NFIB: variants seen among roughly 807,000 people sequenced by gnomAD.
The protein encoded by NFIB is nuclear factor I B.
A neutral mutation model predicts 61.5 loss-of-function variants in NFIB; 11 were observed. The observed-to-expected ratio is 0.18, with a 90% CI of 0.11 to 0.30. The LOEUF (loss-of-function observed/expected upper bound fraction) is 0.30, where lower values mean the gene tolerates loss of function less well. Ranked by LOEUF, NFIB falls within the 10% of genes least tolerant of loss-of-function variation. The probability of loss-of-function intolerance (pLI) is 1.00; values close to 1 mark genes in which losing one functional copy is unlikely to be tolerated. For missense variants in NFIB, 471 were observed against 608.9 expected, an observed-to-expected ratio of 0.77 and a Z score of 2.38; for synonymous variants, 260 against 216.5, an observed-to-expected ratio of 1.20 and a Z score of -1.76.
intron 1 of NFIB, among the ~76,000 whole-genome samples, chr9:14,336,723 G>A (rs887562417): frequency 5.3e-5 from 8 of 150,528 alleles, no homozygotes; most frequent in African/African-American, 9.7e-5. Context: ...ATGCTCTGCA[G>A]TCACCACATC....
At position 14,308,983 on chromosome 9, in the gene NFIB, G is replaced by A. The variant is rs202076703; in HGVS notation, c.31-1463C>T. Among the ~76,000 whole-genome samples the A allele has an allele frequency of 8.2e-4, 125 of 152,200 alleles. 1 individual carries two copies. Among genetic ancestry groups the A allele is most frequent in the Non-Finnish European group, 1.2e-3 (79 of 68,020 alleles). On this transcript the variant is annotated intron_variant, in intron 1 of 10. Coordinates refer to ENST00000380953, the MANE Select transcript of NFIB (RefSeq NM_001190737.2). ...GCTTAACGTCCTGTACATGCACACCGCATGTACGCAATAAGCCAAGATTTG... is the reference window on the plus strand; with the variant it reads ...GCTTAACGTCCTGTACATGCACACCACATGTACGCAATAAGCCAAGATTTG...
chr9:14,172,706 T>C (rs1160329842), intron 3 of NFIB, among the ~76,000 whole-genome samples: 1 of 152,206 alleles, frequency 6.6e-6, no homozygotes, highest in Non-Finnish European at 1.5e-5. Flanking sequence ...ATTCTATTCT[T>C]ATGCATCTTC....
chr9:14,451,001 C>T, the NFIB span, among the ~76,000 whole-genome samples: 1 of 152,226 alleles, frequency 6.6e-6, no homozygotes, highest in African/African-American at 2.4e-5. Flanking sequence ...AAATCTGGAA[C>T]TTTACAGGGG....
chr9:14,266,021 G>A (rs1588022963), intron 2 of NFIB, among the ~76,000 whole-genome samples: 2 of 152,132 alleles, frequency 1.3e-5, no homozygotes, highest in Admixed American at 1.3e-4. Flanking sequence ...CAAAGGGAGA[G>A]GATGTTTGGT....
chr9:14,159,995 G>C (rs1401088223), intron 3 of NFIB, among the ~76,000 whole-genome samples: 1 of 152,166 alleles, frequency 6.6e-6, no homozygotes, highest in East Asian at 1.9e-4. Context: ...AAGGAAATAT[G>C]AGCATCTCTG....
At position 14,082,814 on chromosome 9, in the gene NFIB, A is replaced by G. The variant is rs2032215785; in HGVS notation, c.*5495T>C. ...AAAAAAGACTTCCTTCTGCATAAAG[A>G]GATATATTTGCCACATCAGTCCCTG... is the stretch of plus-strand genomic sequence containing the variant. On this transcript the variant is annotated 3_prime_UTR_variant, in exon 11 of 11. Transcript: ENST00000380953. 2.5e-5 allele frequency: 5 copies of G among 203,042 alleles called. No homozygotes were observed. In the East Asian group the frequency reaches 3.8e-4, roughly 15 times the overall value. The allele number at this position is 203,042 out of a possible 1,614,324, so 12.6% of individuals were successfully genotyped here.
At chr9:14,527,091 T>A in the NFIB span, among the ~76,000 whole-genome samples, 1 of 152,290 alleles carries the variant, frequency 6.6e-6, no homozygotes, top group Middle Eastern at 3.4e-3. Flanking sequence ...AGAAGATTAA[T>A]GTATTTTACC....
intron 2 of NFIB, among the ~76,000 whole-genome samples, chr9:14,229,019 G>C (rs1405275431): frequency 6.7e-6 from 1 of 148,164 alleles, no homozygotes; most frequent in African/African-American, 2.5e-5. Context: ...CTTTGGGCAG[G>C]TTTACAGGGA....
chr9:14,206,437 G>A (rs1020170749), intron 2 of NFIB, among the ~76,000 whole-genome samples: 1 of 151,944 alleles, frequency 6.6e-6, no homozygotes, highest in African/African-American at 2.4e-5. Context: ...GCAAACTGCT[G>A]GGATTACAGG....
rs779543845 is a variant in NFIB, at chr9:14,381,138, GTGTGAATC to G, written c.108+17378_108+17385del. On this transcript the variant is annotated intron_variant, in intron 1 of 8. Coordinates refer to the NFIB transcript ENST00000380934. Reference sequence around the variant, plus strand: ...CCTATTTGTATACCTTCTGTATTTGGTGTGAATCTGTACACCATCATGGATGCAAAAAG... The same window carrying G: ...CCTATTTGTATACCTTCTGTATTTGGTGTACACCATCATGGATGCAAAAAG... Among the ~76,000 whole-genome samples the G allele has an allele frequency of 1.1e-4, 16 of 150,858 alleles. No individual in the cohort carries two copies. The East Asian group carries it at 1.2e-3, about 11-fold the overall frequency.
intron 2 of NFIB, among the ~76,000 whole-genome samples, chr9:14,266,804 T>C (rs1435183219): frequency 6.6e-6 from 1 of 152,094 alleles, no homozygotes; most frequent in East Asian, 1.9e-4. Context: ...ATTCCTGTTG[T>C]TTCTGTTCTC....
the NFIB span, among the ~76,000 whole-genome samples, chr9:14,437,242 G>T: frequency 6.6e-6 from 1 of 152,304 alleles, no homozygotes; most frequent in South Asian, 2.1e-4. Flanking sequence ...TAAAAAGTGT[G>T]CAGGAAAAAA....
At chr9:14,402,533 C>G (rs1043827604), upstream of NFIB, among the ~76,000 whole-genome samples, 4 of 152,060 alleles carry the variant, frequency 2.6e-5, no homozygotes, top group African/African-American at 9.7e-5. Flanking sequence ...GTAAGATTCT[C>G]TAAGCCTTAG....
At chr9:14,322,092 A>G in intron 1 of NFIB, 1 of 1,216,894 alleles carries the variant, frequency 8.2e-7, no homozygotes, top group Non-Finnish European at 1.0e-6. Context: ...AAAAAAAAAA[A>G]AAAAAAAAAA....
chr9:14,327,354 A>G (rs2060767535), intron 1 of NFIB, among the ~76,000 whole-genome samples: 1 of 152,232 alleles, frequency 6.6e-6, no homozygotes, highest in Admixed American at 6.5e-5. Context: ...ACATGTTGAT[A>G]TCATTTCAAG....
At chr9:14,259,233 T>A (rs1315584734) in intron 2 of NFIB, among the ~76,000 whole-genome samples, 1 of 152,114 alleles carries the variant, frequency 6.6e-6, no homozygotes, top group Non-Finnish European at 1.5e-5. Flanking sequence ...CAATTGCTTG[T>A]GGTGGTGATG....
At chr9:14,421,858 C>G in the NFIB span, among the ~76,000 whole-genome samples, 9 of 152,126 alleles carry the variant, frequency 5.9e-5, no homozygotes, top group African/African-American at 1.7e-4. Flanking sequence ...ACAGGTATGT[C>G]AGAAATTTTA....
At chr9:14,395,016 G>T (rs548345525) in intron 1 of NFIB, among the ~76,000 whole-genome samples, 35 of 152,246 alleles carry the variant, frequency 2.3e-4, no homozygotes, top group Non-Finnish European at 4.4e-4. Context: ...ATCTCCGCAA[G>T]AATTGGAAAT....
At chr9:14,427,850 G>T in the NFIB span, among the ~76,000 whole-genome samples, 1 of 149,350 alleles carries the variant, frequency 6.7e-6, no homozygotes, top group African/African-American at 2.5e-5. Flanking sequence ...GGATTTTTGG[G>T]TAACTTTCTT....
Sources: allele counts gnomAD v4.1 joint callset (sites outside exome capture counted in the v4.1 genomes callset), GRCh38; gene constraint gnomAD v4.1.1; transcripts MANE v1.5; gene names NCBI Gene and HGNC (gene_info 2026-07-23, HGNC 2026-07-21).